The following CCDC85A variants were observed in gnomAD, a reference collection of about 807,000 sequenced individuals.
CCDC85A encodes coiled-coil domain containing 85A.
A neutral mutation model predicts 50.2 loss-of-function variants in CCDC85A; 38 were observed. That is an observed-to-expected ratio of 0.76 (90% CI 0.58 to 0.99). The LOEUF is 0.99. Among genes scored for constraint, CCDC85A ranks in the 50% least tolerant of loss-of-function variants. The probability of loss-of-function intolerance (pLI) is 0.00; values close to 1 mark genes in which losing one functional copy is unlikely to be tolerated. For synonymous variants in CCDC85A, 366 were observed against 301.4 expected (o/e 1.21, Z -2.22); for missense variants, 820 against 742.0 (o/e 1.11, Z -1.22).
At chr2:56,268,605 A>AAAAAG (rs568380146) in intron 2 of CCDC85A, among the ~76,000 whole-genome samples, 4 of 151,116 alleles carry the variant, frequency 2.6e-5, no homozygotes, top group South Asian at 2.1e-4. Context: ...AAAAAAAAAA[A>AAAAAG]AAAAGAAAAG....
rs578084787 is a variant in CCDC85A at position 56,352,270 on chromosome 2, C to T, written c.1317+9315C>T. Among the ~76,000 whole-genome samples, 10 of 151,860 alleles carry T rather than the reference C, an allele frequency of 6.6e-5. No individual in the cohort carries two copies. The East Asian group carries it at 1.4e-3, about 21-fold the overall frequency. Reference sequence around the variant, plus strand: ...CCTAAATATAAACATAATATAGATCCGAAATGTCATATACATAAAGATCTA... The same window carrying T: ...CCTAAATATAAACATAATATAGATCTGAAATGTCATATACATAAAGATCTA... On this transcript the variant is annotated intron_variant, in intron 3 of 5. Transcript: ENST00000407595.
At chr2:56,213,754 T>C (rs1356276635) in intron 2 of CCDC85A, among the ~76,000 whole-genome samples, 1 of 151,992 alleles carries the variant, frequency 6.6e-6, no homozygotes, top group Non-Finnish European at 1.5e-5. Flanking sequence ...TATAAAAATT[T>C]GCTGTTTAAG....
At chr2:56,189,882 G>T (rs1676225101) in intron 1 of CCDC85A, among the ~76,000 whole-genome samples, 1 of 152,170 alleles carries the variant, frequency 6.6e-6, no homozygotes, top group East Asian at 1.9e-4. Context: ...AAGGCAGGGA[G>T]GCTGCCTGGG....
intron 2 of CCDC85A, among the ~76,000 whole-genome samples, chr2:56,321,507 CAGAG>C (rs1390284271): frequency 5.3e-5 from 8 of 152,130 alleles, no homozygotes; most frequent in Non-Finnish European, 1.0e-4. Flanking sequence ...AACAGACAAA[CAGAG>C]AGCCAAATCA....
intron 1 of CCDC85A, among the ~76,000 whole-genome samples, chr2:56,187,702 T>C (rs1270384030): frequency 2.0e-5 from 3 of 152,226 alleles, no homozygotes; most frequent in African/African-American, 7.2e-5. Context: ...ATCGGCCTGC[T>C]TTCCTTTTCT....
intron 2 of CCDC85A, among the ~76,000 whole-genome samples, chr2:56,240,102 A>G (rs1669187958): frequency 6.6e-6 from 1 of 152,136 alleles, no homozygotes; most frequent in East Asian, 1.9e-4. Context: ...AATGATCATC[A>G]CTATTTAATT....
chr2:56,237,417 A>G (rs1365726834), intron 2 of CCDC85A, among the ~76,000 whole-genome samples: 1 of 152,256 alleles, frequency 6.6e-6, no homozygotes, highest in African/African-American at 2.4e-5. Context: ...ACATAACATC[A>G]TAGAGATTCA....
intron 2 of CCDC85A, among the ~76,000 whole-genome samples, chr2:56,279,131 G>C (rs1023459113): frequency 1.3e-5 from 2 of 152,130 alleles, no homozygotes; most frequent in South Asian, 2.1e-4. Flanking sequence ...AAGCTTAATG[G>C]ACTGTGAACT....
intron 2 of CCDC85A, among the ~76,000 whole-genome samples, chr2:56,263,575 TG>T (rs1670309049): frequency 6.6e-6 from 1 of 152,148 alleles, no homozygotes; most frequent in South Asian, 2.1e-4. Context: ...ATGTGCAAGC[TG>T]GGTGTGAGGG....
chr2:56,331,634 G>T (rs1383215309), intron 2 of CCDC85A, among the ~76,000 whole-genome samples: 2 of 151,868 alleles, frequency 1.3e-5, no homozygotes, highest in Non-Finnish European at 2.9e-5. Context: ...ATTTTTTTCT[G>T]GTTTCTAAAT....
At chr2:56,212,170 C>A (rs530201981) in intron 2 of CCDC85A, among the ~76,000 whole-genome samples, 1 of 152,138 alleles carries the variant, frequency 6.6e-6, no homozygotes, top group East Asian at 1.9e-4. Flanking sequence ...GAAGCCTCTG[C>A]TGGTATTCCG....
intron 2 of CCDC85A, among the ~76,000 whole-genome samples, chr2:56,247,345 TG>T (rs1669555282): frequency 6.6e-6 from 1 of 152,200 alleles, no homozygotes. Flanking sequence ...ATTGCAGACA[TG>T]GGTCTTTTTT....
chr2:56,189,802 A>G (rs1265304729), intron 1 of CCDC85A, among the ~76,000 whole-genome samples: 1 of 152,048 alleles, frequency 6.6e-6, no homozygotes, highest in Non-Finnish European at 1.5e-5. Context: ...AGCAGGGAGT[A>G]TTTTTGAAGG....
At chr2:56,320,078 A>C (rs1026340862) in intron 2 of CCDC85A, among the ~76,000 whole-genome samples, 3 of 152,186 alleles carry the variant, frequency 2.0e-5, no homozygotes, top group East Asian at 3.9e-4. Flanking sequence ...TAAAGATGTT[A>C]TTTGAAACCA....
chr2:56,289,959 C>T (rs570157123), intron 2 of CCDC85A, among the ~76,000 whole-genome samples: 1 of 152,106 alleles, frequency 6.6e-6, no homozygotes, highest in Non-Finnish European at 1.5e-5. Context: ...TGGTACTAGG[C>T]TATGGGTCAA....
At chr2:56,275,543 G>A (rs76232386) in intron 2 of CCDC85A, among the ~76,000 whole-genome samples, 14 of 152,020 alleles carry the variant, frequency 9.2e-5, no homozygotes, top group African/African-American at 2.9e-4. Context: ...TCACTTTTTC[G>A]CTGTTTGTCC....
intron 2 of CCDC85A, among the ~76,000 whole-genome samples, chr2:56,198,551 A>G (rs1304320334): frequency 1.3e-5 from 2 of 152,258 alleles, no homozygotes; most frequent in African/African-American, 2.4e-5. Context: ...AGCATATTAC[A>G]TTTATCATAA....
intron 2 of CCDC85A, among the ~76,000 whole-genome samples, chr2:56,212,788 C>T (rs989785633): frequency 6.6e-6 from 1 of 151,834 alleles, no homozygotes; most frequent in Non-Finnish European, 1.5e-5. Flanking sequence ...AGCTTTGGAG[C>T]CACGCACACC....
intron 1 of CCDC85A, among the ~76,000 whole-genome samples, chr2:56,187,683 G>A (rs72801164): frequency 6.6e-6 from 1 of 152,326 alleles, no homozygotes; most frequent in Non-Finnish European, 1.5e-5. Flanking sequence ...CAGACATAAA[G>A]TGTTCAAAAT....
Sources: gnomAD v4.1 joint callset for allele counts (sites outside exome capture counted in the v4.1 genomes callset) on GRCh38, gnomAD v4.1.1 for gene constraint, MANE v1.5 for transcripts, NCBI Gene and HGNC (gene_info 2026-07-23, HGNC 2026-07-21) for gene names.